Variants in LILRA2 observed in about 807,000 individuals in gnomAD.
LILRA2 encodes leukocyte immunoglobulin like receptor A2.
In LILRA2, 45 loss-of-function variants were observed where a neutral mutation model predicts 47.9. That is an observed-to-expected ratio of 0.94 (90% CI 0.74 to 1.20). The LOEUF is 1.20. Ranked by LOEUF, LILRA2 falls within the 50% of genes most tolerant of loss-of-function variation. LILRA2 has a pLI of 0.00. For missense variants in LILRA2, 651 were observed against 598.2 expected (o/e 1.09, Z -0.92); for synonymous variants, 279 against 249.2 (o/e 1.12, Z -1.13).
At chr19:54,585,177 C>T (rs955579929) in intron 6 of LILRA2, among the ~76,000 whole-genome samples, 7 of 152,182 alleles carry the variant, frequency 4.6e-5, no homozygotes, top group Non-Finnish European at 8.8e-5. Context: ...GGGCACCCAC[C>T]TGTTTGAGGT....
chr19:54,577,331 G>T (rs967173838), intron 6 of LILRA2: 3 of 543,348 alleles, frequency 5.5e-6, no homozygotes, highest in Non-Finnish European at 5.6e-6. Context: ...AGGCTGGGTG[G>T]GGAGGATTTG....
Position 54,583,215 on chromosome 19 carries a change from AAT to A in LILRA2, c.1256-3793_1256-3792del, listed in dbSNP as rs576355157. Among the ~76,000 whole-genome samples the A allele has an allele frequency of 1.2e-4, 18 of 152,286 alleles. No individual in the cohort carries two copies. In the South Asian group the frequency reaches 3.3e-3, roughly 28 times the overall value. On this transcript the variant is annotated intron_variant, in intron 6 of 7. Transcript: ENST00000391738. ...CTACCAATTATGTGGTCAATTTTGG[AAT>A]AAGTGCAAAGTGATGCTGAGAAGAA...
rs1024845681 is a variant in LILRA2, at chr19:54,590,256, T to G, written c.*2910T>G. 6.6e-6 allele frequency: 1 copy of G among 152,244 alleles called. No individual in the cohort carries two copies. Among genetic ancestry groups the G allele is most frequent in the Non-Finnish European group, 1.5e-5 (1 of 68,044 alleles). The allele number at this position is 152,244 out of a possible 1,614,324, so 9.4% of individuals were successfully genotyped here. On this transcript the variant is annotated 3_prime_UTR_variant, in exon 8 of 8. Transcript: ENST00000391738. ...TCATTTCTAGTTTTTCTCCGATGAC[T>G]AATGAAAAATTTAATAAATATTCTA...
chr19:54,579,825 A>G (rs1019350386), intron 6 of LILRA2, among the ~76,000 whole-genome samples: 4 of 152,106 alleles, frequency 2.6e-5, no homozygotes, highest in African/African-American at 7.2e-5. Flanking sequence ...GGTCCTTCAC[A>G]TCCTTTGTTA....
At chr19:54,577,660 C>G (rs912748346) in intron 6 of LILRA2, 1 of 1,289,316 alleles carries the variant, frequency 7.8e-7, no homozygotes, top group Non-Finnish European at 1.0e-6. Context: ...ACCTGGAGGC[C>G]TCTGTGCTCA....
Position 54,575,330 on chromosome 19 carries a change from T to C in LILRA2, c.730T>C (p.Cys244Arg). Residue 244 changes from cysteine (C) to arginine (R), a missense_variant, in exon 5 of 8, where the codon TGT becomes CGT. Transcript: ENST00000391738. ...VAPGESLTLQ[C>R]VSDVGYDRFV... ...CCCTGGGGAGAGCCTGACCCTCCAG[T>C]GTGTCTCTGATGTCGGCTACGACAG... is the stretch of plus-strand genomic sequence containing the variant. 1 of 1,614,012 alleles carries C rather than the reference T, an allele frequency of 6.2e-7. No individual in the cohort carries two copies.
intron 6 of LILRA2, among the ~76,000 whole-genome samples, chr19:54,586,300 A>G (rs913239125): frequency 1.3e-5 from 2 of 151,692 alleles, no homozygotes; most frequent in Admixed American, 1.3e-4. Flanking sequence ...CTTCTTATCT[A>G]GACTCACACT....
At chr19:54,586,369 A>G (rs2062807691) in intron 6 of LILRA2, among the ~76,000 whole-genome samples, 1 of 152,090 alleles carries the variant, frequency 6.6e-6, no homozygotes, top group South Asian at 2.1e-4. Context: ...TAACATATGC[A>G]TATTTGTGTG....
At position 54,574,831 on chromosome 19, in the gene LILRA2, C is replaced by T. The variant is rs146577482; in HGVS notation, c.453C>T (p.Gly151=). The T allele has an allele frequency of 1.8e-3, 2,939 of 1,614,050 alleles. No homozygotes were observed. The highest frequency in any genetic ancestry group is 2.3e-3 in the Non-Finnish European group (2,712 of 1,180,034). ...LQCVSQVAFD[G]FILCKEGEDE... is the part of the protein sequence containing the mutation. ...GTGTCTCACAGGTGGCATTTGACGG[C>T]TTCATTCTGTGTAAGGAAGGAGAAG... is the stretch of plus-strand genomic sequence containing the variant. The change falls in exon 4 of 8, where the codon GGC becomes GGT. Residue 151 remains glycine (G), a synonymous_variant. Coordinates refer to ENST00000391738, the MANE Select transcript of LILRA2 (RefSeq NM_001130917.3).
chr19:54,575,562 C>T lies in LILRA2; in HGVS notation c.952+10C>T. The T allele has an allele frequency of 6.2e-7, 1 of 1,611,480 alleles. No individual in the cohort carries two copies. The highest frequency in any genetic ancestry group is 1.1e-5 in the South Asian group (1 of 90,954). On this transcript the variant is annotated intron_variant, in intron 5 of 7. Transcript: ENST00000391738. ...GACATCCTGATCACAGGTGAGGAGC[C>T]CAGCGGGTTCAGTCAGGGACCCAGG...
chr19:54,576,192 A>G, intron 6 of LILRA2, 83 bp downstream of exon 6: 1 of 1,587,840 alleles, frequency 6.3e-7, no homozygotes, highest in South Asian at 1.1e-5. Flanking sequence ...ACAATAATGA[A>G]TGAGGGGAGT....
At position 54,574,520 on chromosome 19, in the gene LILRA2, G is replaced by T; in HGVS notation, c.290G>T (p.Cys97Phe). Residue 97 changes from cysteine to phenylalanine, a missense_variant, in exon 3 of 8, where the codon TGT becomes TTT. Transcript: ENST00000391738. The part of the protein sequence containing the change: ...ITWEHAGRYH[C>F]QYYSHNHSSE... ...TGGGAACACGCAGGGCGGTATCACT[G>T]TCAGTACTACAGCCACAATCACTCA... 1 of 1,609,966 alleles carries T rather than the reference G, an allele frequency of 6.2e-7. No individual in the cohort carries two copies.
chr19:54,587,340 G>A lies in LILRA2; in HGVS notation c.1446G>A (p.Gly482=). Residue 482 remains glycine, a synonymous_variant, in exon 8 of 8, where the codon GGG becomes GGA. Coordinates refer to ENST00000391738, the MANE Select transcript of LILRA2 (RefSeq NM_001130917.3). ...HSQRSLQDAA[G]R Reference sequence around the variant, plus strand: ...AGAGAAGCCTACAAGATGCAGCCGGGAGGTGAACAGCAGAGAGGACAATGC... The same window carrying A: ...AGAGAAGCCTACAAGATGCAGCCGGAAGGTGAACAGCAGAGAGGACAATGC... The A allele has an allele frequency of 6.2e-7, 1 of 1,614,186 alleles. No individual in the cohort carries two copies. The highest frequency in any genetic ancestry group is 1.1e-5 in the South Asian group (1 of 91,080).
chr19:54,583,754 G>A (rs1027374187), intron 6 of LILRA2, among the ~76,000 whole-genome samples: 2 of 152,112 alleles, frequency 1.3e-5, no homozygotes, highest in East Asian at 3.8e-4. Flanking sequence ...TTTAATTGGA[G>A]CATTTAACCC....
At chr19:54,585,271 G>T (rs916994586) in intron 6 of LILRA2, among the ~76,000 whole-genome samples, 3 of 152,190 alleles carry the variant, frequency 2.0e-5, no homozygotes, top group African/African-American at 7.2e-5. Flanking sequence ...TCTGTCCGTT[G>T]TTGGAGCTCT....
At chr19:54,584,100 TC>T (rs754247596) in intron 6 of LILRA2, among the ~76,000 whole-genome samples, 5 of 152,330 alleles carry the variant, frequency 3.3e-5, no homozygotes, top group Admixed American at 6.5e-5. Flanking sequence ...AATATTGGCC[TC>T]CACTCTCTTC....
chr19:54,575,649 C>G, intron 5 of LILRA2, 97 bp downstream of exon 5: 1 of 1,572,826 alleles, frequency 6.4e-7, no homozygotes, highest in Non-Finnish European at 8.6e-7. Context: ...GTTGGGGGTC[C>G]CAAGGGAGGG....
At chr19:54,586,026 C>G (rs1039577968) in intron 6 of LILRA2, among the ~76,000 whole-genome samples, 5 of 152,052 alleles carry the variant, frequency 3.3e-5, no homozygotes, top group African/African-American at 1.2e-4. Flanking sequence ...CTTCAATGAT[C>G]TCCTTTAATT....
intron 6 of LILRA2, chr19:54,577,568 G>C: frequency 7.8e-7 from 1 of 1,289,728 alleles, no homozygotes; most frequent in Non-Finnish European, 1.0e-6. Context: ...ACTGTGATGA[G>C]GCTGGAGTCC....
Sources: allele counts gnomAD v4.1 joint callset (sites outside exome capture counted in the v4.1 genomes callset), GRCh38; gene constraint gnomAD v4.1.1; transcripts MANE v1.5; gene names NCBI Gene and HGNC (gene_info 2026-07-23, HGNC 2026-07-21).